Variants in MEI1 observed in about 807,000 individuals in gnomAD.
The protein encoded by MEI1 is meiotic double-stranded break formation protein 1.
A neutral mutation model predicts 146.2 loss-of-function variants in MEI1; 103 were observed. The observed-to-expected ratio is 0.70, with a 90% CI of 0.60 to 0.83. The LOEUF (loss-of-function observed/expected upper bound fraction) is 0.83. MEI1 is among the 40% of genes least tolerant of loss of function. The probability of loss-of-function intolerance (pLI) is 0.00; values close to 1 mark genes in which losing one functional copy is unlikely to be tolerated. For missense variants in MEI1, 1,529 were observed against 1,533.0 expected (o/e 1.00, Z 0.04); for synonymous variants, 652 against 628.2 (o/e 1.04, Z -0.57).
intron 7 of MEI1, among the ~76,000 whole-genome samples, chr22:41,726,958 A>G (rs1012644761): frequency 1.3e-5 from 2 of 152,000 alleles, no homozygotes; most frequent in African/African-American, 4.8e-5. Flanking sequence ...TATTTTTAGT[A>G]GAGATGGAGT....
At chr22:41,753,280 G>A (rs373870915) in intron 16 of MEI1, among the ~76,000 whole-genome samples, 2 of 152,060 alleles carry the variant, frequency 1.3e-5, no homozygotes, top group Admixed American at 6.6e-5. Flanking sequence ...GGGATTACAG[G>A]CGTGAGCCAC....
Position 41,758,413 on chromosome 22 carries a change from G to C in MEI1, c.2000G>C (p.Ser667Thr). The change falls in exon 18 of 31, where the codon AGC becomes ACC. Residue 667 changes from serine (S) to threonine (T), a missense_variant. This residue lies in a region of MEI1 where 1,212 missense variants were observed against 1,178.9 expected (regional missense o/e 1.03). Transcript: ENST00000401548. ...CTGCAGCATGGGCTGCCCCAGATAA[G>C]CAGCAGGAGCCCTGAAAGCCTTGCC... ...ELLQHGLPQI[S>T]SRSPESLAFL... 1.2e-6 allele frequency: 2 copies of C among 1,613,908 alleles called. No homozygotes were observed. The highest frequency in any genetic ancestry group is 2.2e-5 in the South Asian group (2 of 91,090).
chr22:41,714,102 GTC>G (rs773792728), intron 4 of MEI1, 27 bp downstream of exon 4: 54 of 1,567,684 alleles, frequency 3.4e-5, no homozygotes, highest in Non-Finnish European at 4.6e-5. Context: ...GGGTTCTTGA[GTC>G]TCTCAGAATC....
At chr22:41,770,086 A>G (rs1056511490) in intron 19 of MEI1, among the ~76,000 whole-genome samples, 1 of 151,916 alleles carries the variant, frequency 6.6e-6, no homozygotes, top group Non-Finnish European at 1.5e-5. Context: ...GTGAGCCGAG[A>G]TCATGCCATT....
chr22:41,735,237 T>G (rs1429586562), intron 11 of MEI1, among the ~76,000 whole-genome samples: 1 of 148,688 alleles, frequency 6.7e-6, no homozygotes. Context: ...GTTTTTTTTT[T>G]TTTTTTTTTT....
rs956359737 is a variant in MEI1, at chr22:41,703,323, G to T, written c.175-8G>T. On this transcript the variant is annotated splice_region_variant and splice_polypyrimidine_tract_variant and intron_variant, in intron 1 of 30. Transcript: ENST00000401548. ...TGCTATTGAATGTTTTTCTTCATTT[G>T]CTTCAAGTTAGTGCGCAAGAAGCAC... is the stretch of plus-strand genomic sequence containing the variant. The T allele has an allele frequency of 2.7e-5, 44 of 1,611,324 alleles. No homozygotes were observed. Among genetic ancestry groups the T allele is most frequent in the Non-Finnish European group, 3.7e-5 (44 of 1,178,792 alleles).
At chr22:41,735,806 C>G (rs2072313236) in intron 11 of MEI1, among the ~76,000 whole-genome samples, 1 of 152,218 alleles carries the variant, frequency 6.6e-6, no homozygotes, top group Non-Finnish European at 1.5e-5. Context: ...ACTCCAGCCT[C>G]TAGCCCTGGT....
chr22:41,712,671 G>GTGT (rs1191178804), intron 3 of MEI1, among the ~76,000 whole-genome samples: 2 of 56,212 alleles, frequency 3.6e-5, no homozygotes, highest in East Asian at 8.7e-4. Context: ...AATAGAAATA[G>GTGT]ATGTGTGTGT....
chr22:41,793,855 T>C lies in MEI1; in HGVS notation c.3372T>C (p.Cys1124=), dbSNP rs765813766. Residue 1124 remains cysteine (C), a synonymous_variant, in exon 27 of 31, where the codon TGT becomes TGC. Transcript: ENST00000401548. Reference sequence around the variant, plus strand: ...AGGACCCTCTATTGTCCCAGGCCTGTGTTGGCTGCCTGGAGGCCTTGCTTG... The same window carrying C: ...AGGACCCTCTATTGTCCCAGGCCTGCGTTGGCTGCCTGGAGGCCTTGCTTG... The part of the protein sequence containing the change: ...VQKDPLLSQA[C]VGCLEALLDY... The C allele has an allele frequency of 5.6e-5, 90 of 1,610,958 alleles. No individual in the cohort carries two copies. Among genetic ancestry groups the C allele is most frequent in the Admixed American group, 8.4e-5 (5 of 59,740 alleles).
chr22:41,792,918 TAA>T (rs139554), intron 26 of MEI1, among the ~76,000 whole-genome samples: 83,021 of 144,238 alleles, frequency 0.58, 25,741 homozygotes, highest in Admixed American at 0.75. Context: ...CCTGTTGCTT[TAA>T]AAAAAAAAAA....
chr22:41,710,467 G>A (rs1189094334), intron 3 of MEI1, among the ~76,000 whole-genome samples: 1 of 152,180 alleles, frequency 6.6e-6, no homozygotes, highest in African/African-American at 2.4e-5. Context: ...GGGTAAGACA[G>A]CACCGAATGT....
rs751725962 is a variant in MEI1, at chr22:41,776,052, TC to T, written c.2545-46del. 33 of 1,582,556 alleles carry T rather than the reference TC, an allele frequency of 2.1e-5. No homozygotes were observed. In the African/African-American group the frequency reaches 4.2e-4, roughly 20 times the overall value. ...CCCCTCTATTCCTCATTGTCACTTT[TC>T]CCCAACTGCAGTACCCTCTGATCTC... On this transcript the variant is annotated intron_variant, in intron 20 of 30. Coordinates refer to ENST00000401548, the MANE Select transcript of MEI1 (RefSeq NM_152513.4).
At chr22:41,761,088 G>A (rs900288031) in intron 18 of MEI1, among the ~76,000 whole-genome samples, 4 of 152,038 alleles carry the variant, frequency 2.6e-5, no homozygotes, top group African/African-American at 9.7e-5. Flanking sequence ...GAGGTAGGTG[G>A]ATCACCTGAG....
intron 16 of MEI1, 126 bp downstream of exon 16, chr22:41,752,777 A>T: frequency 1.3e-6 from 1 of 799,892 alleles, no homozygotes; most frequent in African/African-American, 1.7e-5. Flanking sequence ...TAGTGTCAGC[A>T]TTGCTCAGCA....
intron 19 of MEI1, among the ~76,000 whole-genome samples, chr22:41,768,493 G>A (rs1451565964): frequency 6.6e-6 from 1 of 152,074 alleles, no homozygotes; most frequent in East Asian, 1.9e-4. Context: ...AGGACTTTGT[G>A]TTAGTCAGTT....
chr22:41,724,622 A>G (rs1422937261), intron 7 of MEI1, among the ~76,000 whole-genome samples: 1 of 149,316 alleles, frequency 6.7e-6, no homozygotes, highest in African/African-American at 2.5e-5. Context: ...GTCTCAAAAA[A>G]AAAAAAAAAA....
chr22:41,744,480 A>AT (rs771456925), intron 12 of MEI1, among the ~76,000 whole-genome samples: 130 of 8,586 alleles, frequency 0.015, 23 homozygotes, highest in Admixed American at 0.023. Flanking sequence ...CTTTGCTATG[A>AT]TTTTTTTTTT....
chr22:41,781,886 A>C, intron 24 of MEI1, 41 bp downstream of exon 24: 1 of 1,606,656 alleles, frequency 6.2e-7, no homozygotes, highest in Non-Finnish European at 8.5e-7. Flanking sequence ...ATGGGGTGGC[A>C]CTCAAAGGAG....
At chr22:41,736,267 T>G (rs1256922743) in intron 11 of MEI1, among the ~76,000 whole-genome samples, 4 of 125,948 alleles carry the variant, frequency 3.2e-5, no homozygotes, top group African/African-American at 1.3e-4. Context: ...TTTTTTTTTT[T>G]GAAACGGAGT....
Sources: allele counts gnomAD v4.1 joint callset (sites outside exome capture counted in the v4.1 genomes callset), GRCh38; gene constraint gnomAD v4.1.1; regional missense constraint gnomAD v4.1.1; transcripts MANE v1.5; gene names NCBI Gene and HGNC (gene_info 2026-07-23, HGNC 2026-07-21).